OR6B3: variants seen among roughly 807,000 people sequenced by gnomAD.
OR6B3 encodes the protein olfactory receptor 6B3.
For synonymous variants in OR6B3, 148 were observed against 187.8 expected (o/e 0.79, Z 1.73); for missense variants, 315 against 427.4 (o/e 0.74, Z 2.32).
intron 1 of OR6B3, 98 bp from the exon 3 acceptor site, chr2:240,046,195 A>T (rs1446958712): frequency 1.2e-6 from 1 of 803,220 alleles, no homozygotes; most frequent in Non-Finnish European, 1.9e-6. Flanking sequence ...GTGTAAAGAG[A>T]GGCCACGTGG....
chr2:240,045,324 A>G, exon 2 of OR6B3: 1 of 1,614,220 alleles, frequency 6.2e-7, no homozygotes, highest in East Asian at 2.2e-5. Flanking sequence ...TGTATAGAAG[A>G]CGGTGACCAC....
chr2:240,045,336 G>A, exon 2 of OR6B3: 2 of 1,614,236 alleles, frequency 1.2e-6, no homozygotes, highest in Non-Finnish European at 1.7e-6. Flanking sequence ...GGTGACCACG[G>A]TGAGGTGAGA....
At chr2:240,053,362 T>A in the OR6B3 span, among the ~76,000 whole-genome samples, 1 of 152,234 alleles carries the variant, frequency 6.6e-6, no homozygotes, top group Non-Finnish European at 1.5e-5. This position sits in a 1 kb window ranked among gnomAD's most constrained non-coding sequence, Gnocchi z 4.1. Context: ...TTCAAGGTCC[T>A]GCACTCACAA....
chr2:240,044,718 T>C (rs1017047841), downstream of OR6B3, among the ~76,000 whole-genome samples: 2 of 152,250 alleles, frequency 1.3e-5, no homozygotes, highest in African/African-American at 4.8e-5. Context: ...GCCCTTACTT[T>C]TCCCAGACAC....
upstream of OR6B3, among the ~76,000 whole-genome samples, chr2:240,048,486 G>A (rs994606347): frequency 1.3e-5 from 2 of 152,126 alleles, no homozygotes; most frequent in African/African-American, 4.8e-5. Flanking sequence ...TGCAGGGCTG[G>A]TGGAAGCTCT....
rs781352179 is a variant in OR6B3 at position 240,045,417 on chromosome 2, G to C, written c.656C>G (p.Ala219Gly). 654 of 1,614,020 alleles carry C rather than the reference G, an allele frequency of 4.1e-4. No homozygotes were observed. The highest frequency in any genetic ancestry group is 5.1e-4 in the Non-Finnish European group (598 of 1,179,978). ...GCGCAGGACAGCCAGGGTGATGTGC[G>C]CATATGACAGCATGGTGGCCAGGAG... Residue 219 changes from alanine (A) to glycine (G), a missense_variant, in exon 2 of 2, where the codon GCG becomes GGG. Coordinates refer to ENST00000641019, the Ensembl canonical transcript of OR6B3.
Position 240,046,145 on chromosome 2 carries a change from G to A in OR6B3, c.-25-48C>T, listed in dbSNP as rs561426520. ...AGGAAAGGGCTGCAGGGAAGCTGGG[G>A]CAGAGGGAGAGTGGAGCTGGACCTG... On this transcript the variant is annotated intron_variant, in intron 1 of 1. Coordinates refer to ENST00000641019, the Ensembl canonical transcript of OR6B3. 60 of 1,344,694 alleles carry A rather than the reference G, an allele frequency of 4.5e-5. No homozygotes were observed. The African/African-American group carries it at 8.0e-4, about 18-fold the overall frequency. 83.3% of individuals were successfully genotyped at this position (1,344,694 alleles called of 1,614,324 possible).
chr2:240,048,716 G>A (rs530365671), upstream of OR6B3, among the ~76,000 whole-genome samples: 4 of 152,316 alleles, frequency 2.6e-5, no homozygotes, highest in East Asian at 7.7e-4. Flanking sequence ...GCAAAAGCTG[G>A]CAGACTGGGT....
the OR6B3 span, among the ~76,000 whole-genome samples, chr2:240,053,337 T>C: frequency 6.6e-6 from 1 of 152,224 alleles, no homozygotes; most frequent in Admixed American, 6.5e-5. This position sits in a 1 kb window ranked among gnomAD's most constrained non-coding sequence, Gnocchi z 4.1. Context: ...AGCTGGAAGA[T>C]CTGAGGCAAC....
the OR6B3 span, among the ~76,000 whole-genome samples, chr2:240,053,479 A>G: frequency 2.0e-5 from 3 of 152,142 alleles, no homozygotes; most frequent in African/African-American, 7.2e-5. The surrounding 1 kb of genome is among the most constrained non-coding windows in gnomAD (Gnocchi z 4.1). Context: ...GCTGCAGGGC[A>G]GGGCGCGAGG....
chr2:240,046,237 G>A (rs952354571), intron 1 of OR6B3, 140 bp from the exon 3 acceptor site: 1 of 609,362 alleles, frequency 1.6e-6, no homozygotes, highest in Non-Finnish European at 2.9e-6. Context: ...AGCAAAAGCA[G>A]CTCCCCACCC....
At chr2:240,051,573 C>T (rs759269718), upstream of OR6B3, among the ~76,000 whole-genome samples, 1 of 152,120 alleles carries the variant, frequency 6.6e-6, no homozygotes, top group Non-Finnish European at 1.5e-5. Context: ...GATACGAAAG[C>T]CTGATGAAGA....
intron 1 of OR6B3, among the ~76,000 whole-genome samples, chr2:240,046,729 C>T (rs149248488): frequency 6.6e-6 from 1 of 152,188 alleles, no homozygotes; most frequent in Admixed American, 6.5e-5. Context: ...GATTGCAATG[C>T]AATCCCAGAA....
At chr2:240,045,555 A>G in exon 2 of OR6B3, 7 of 1,566,386 alleles carry the variant, frequency 4.5e-6, no homozygotes, top group Non-Finnish European at 6.2e-6. Context: ...GTGGTTCAAG[A>G]CGTTGGAGCC....
chr2:240,047,615 C>G (rs190304241), upstream of OR6B3, among the ~76,000 whole-genome samples: 1 of 152,242 alleles, frequency 6.6e-6, no homozygotes, highest in Non-Finnish European at 1.5e-5. Context: ...TTTTGTTTCA[C>G]GTGAGTATAT....
chr2:240,045,774 T>G, exon 2 of OR6B3: 1 of 1,441,166 alleles, frequency 6.9e-7, no homozygotes, highest in South Asian at 1.1e-5. Flanking sequence ...GAAGTAGAGC[T>G]GCGTCATGCA....
chr2:240,046,229 C>T lies in OR6B3; in HGVS notation c.-25-132G>A, dbSNP rs147612195. The T allele has an allele frequency of 1.6e-5, 10 of 614,606 alleles. No individual in the cohort carries two copies. The African/African-American group carries it at 1.8e-4, about 11-fold the overall frequency. 38.1% of individuals were successfully genotyped at this position (614,606 alleles called of 1,614,324 possible). A position where few individuals can be genotyped will look rare whatever the true frequency, so the allele number is the denominator to read the frequency against. On this transcript the variant is annotated intron_variant, in intron 1 of 1. Coordinates refer to ENST00000641019, the Ensembl canonical transcript of OR6B3. ...GGCTCCCCAGAGCACCAGTGGGGAG[C>T]AAAAGCAGCTCCCCACCCAGATACA...
chr2:240,047,471 T>C (rs2106527461), upstream of OR6B3, among the ~76,000 whole-genome samples: 1 of 152,234 alleles, frequency 6.6e-6, no homozygotes, highest in Middle Eastern at 3.4e-3. Context: ...CAAGTAAAAG[T>C]ATGTAAATAG....
chr2:240,052,513 T>C, the OR6B3 span, among the ~76,000 whole-genome samples: 1 of 152,214 alleles, frequency 6.6e-6, no homozygotes, highest in South Asian at 2.1e-4. The surrounding 1 kb of genome is among the most constrained non-coding windows in gnomAD (Gnocchi z 4.5). Flanking sequence ...GCTGAGGATT[T>C]CTGTGATACT....
Sources: gnomAD v4.1 joint callset for allele counts (sites outside exome capture counted in the v4.1 genomes callset) on GRCh38, gnomAD v4.1.1 for gene constraint, Gnocchi (gnomAD v3.1) non-coding constraint, MANE v1.5 for transcripts, NCBI Gene and HGNC (gene_info 2026-07-23, HGNC 2026-07-21) for gene names.